CDK13: variants seen among roughly 807,000 people sequenced by gnomAD.
The protein encoded by CDK13 is cyclin-dependent kinase 13.
CDK13 carries 40 observed loss-of-function variants against 137.6 expected under a neutral mutation model. That is an observed-to-expected ratio of 0.29 (90% confidence interval 0.23 to 0.38). The LOEUF is 0.38. Among genes scored for constraint, CDK13 ranks in the 10% least tolerant of loss-of-function variants. The pLI is 1.00. For synonymous variants in CDK13, 869 were observed against 760.1 expected, an observed-to-expected ratio of 1.14 and a Z score of -2.36; for missense variants, 1,704 against 1,951.8, an observed-to-expected ratio of 0.87 and a Z score of 2.39.
rs1332133811 is a variant in CDK13, at chr7:40,098,951, C to G, written c.*3971C>G. ...TGGATAATCTTTGAAAAGGCAAGTCCTGTATGTATTTTTCATTTGTTGAAA... is the reference window on the plus strand; with the variant it reads ...TGGATAATCTTTGAAAAGGCAAGTCGTGTATGTATTTTTCATTTGTTGAAA... On this transcript the variant is annotated 3_prime_UTR_variant, in exon 14 of 14. Coordinates refer to ENST00000181839, the MANE Select transcript of CDK13 (RefSeq NM_003718.5). The G allele has an allele frequency of 6.6e-6, 1 of 151,696 alleles. No individual in the cohort carries two copies. The highest frequency in any genetic ancestry group is 1.5e-5 in the Non-Finnish European group (1 of 67,914). The allele number at this position is 151,696 out of a possible 1,614,324, so 9.4% of individuals were successfully genotyped here. A position where few individuals can be genotyped will look rare whatever the true frequency, so the allele number is the denominator to read the frequency against.
chr7:40,006,982 TGCA>T (rs374452030), intron 5 of CDK13, among the ~76,000 whole-genome samples: 1 of 152,282 alleles, frequency 6.6e-6, no homozygotes, highest in African/African-American at 2.4e-5. Flanking sequence ...GTACTAACTC[TGCA>T]TAGTAACAGT....
intron 1 of CDK13, among the ~76,000 whole-genome samples, chr7:39,987,383 C>T (rs921655044): frequency 3.9e-5 from 6 of 152,056 alleles, no homozygotes; most frequent in African/African-American, 9.7e-5. Context: ...ATTTGTAGAC[C>T]AGAGCGAGAT....
intron 1 of CDK13, among the ~76,000 whole-genome samples, chr7:39,978,341 CG>C (rs567723230): frequency 1.9e-3 from 282 of 152,254 alleles, no homozygotes; most frequent in Non-Finnish European, 2.4e-3. Context: ...CAGACAGTGA[CG>C]TTTTTTTCTT....
chr7:39,951,076 A>C lies in CDK13; in HGVS notation c.435A>C (p.Glu145Asp). 1 of 1,269,878 alleles carries C rather than the reference A, an allele frequency of 7.9e-7. No homozygotes were observed. The highest frequency in any genetic ancestry group is 1.5e-5 in the African/African-American group (1 of 64,678). The allele number at this position is 1,269,878 out of a possible 1,614,324, so 78.7% of individuals were successfully genotyped here. ...GCGGGGGTGTGACCCCGCTGGTGGA[A>C]TACGAGGATGTGAGCTCCCAGTCCG... ...SSGGGVTPLV[E>D]YEDVSSQSEQ... The change falls in exon 1 of 14, where the codon GAA becomes GAC. Residue 145 changes from glutamate (E) to aspartate (D), a missense_variant. Coordinates refer to ENST00000181839, the MANE Select transcript of CDK13 (RefSeq NM_003718.5).
At chr7:39,999,964 GAA>G (rs1275191686) in intron 4 of CDK13, among the ~76,000 whole-genome samples, 2 of 152,278 alleles carry the variant, frequency 1.3e-5, no homozygotes, top group Middle Eastern at 3.4e-3. Context: ...GGAATTCAGA[GAA>G]AGTTTTAAAA....
intron 5 of CDK13, among the ~76,000 whole-genome samples, chr7:40,040,814 C>T (rs1785589057): frequency 6.6e-6 from 1 of 151,932 alleles, no homozygotes; most frequent in South Asian, 2.1e-4. Flanking sequence ...ACTTTTTTAA[C>T]CTGTTTAACT....
At chr7:40,042,170 C>T (rs1396566642) in intron 5 of CDK13, among the ~76,000 whole-genome samples, 1 of 151,994 alleles carries the variant, frequency 6.6e-6, no homozygotes, top group African/African-American at 2.4e-5. Context: ...ACCTCCGCCT[C>T]TCGGGTTCAA....
chr7:40,021,327 T>C (rs1785120856), intron 5 of CDK13, among the ~76,000 whole-genome samples: 1 of 151,676 alleles, frequency 6.6e-6, no homozygotes, highest in Non-Finnish European at 1.5e-5. Flanking sequence ...TGAAACCCCA[T>C]CTCTACTAAA....
At chr7:40,087,334 G>C (rs1786811351) in intron 11 of CDK13, among the ~76,000 whole-genome samples, 1 of 152,018 alleles carries the variant, frequency 6.6e-6, no homozygotes, top group African/African-American at 2.4e-5. Flanking sequence ...GCAAAGACAG[G>C]GTTTTGCCAT....
Position 39,988,003 on chromosome 7 carries a change from C to G in CDK13, c.1616C>G (p.Thr539Arg). The change falls in exon 2 of 14, where the codon ACA (threonine) becomes AGA (arginine). Residue 539 changes from threonine to arginine, a missense_variant. By Grantham distance (71) the Thr-to-Arg change is moderately conservative. Transcript: ENST00000181839. Reference sequence around the variant, plus strand: ...ACTTTAAAAAATGACAAAGCAAAAACAAAGCCACCTCTTCAGGTAACGAAG... The same window carrying G: ...ACTTTAAAAAATGACAAAGCAAAAAGAAAGCCACCTCTTCAGGTAACGAAG... Reference protein sequence around the residue: ...GGTLKNDKAKTKPPLQVTKVE... With the variant: ...GGTLKNDKAKRKPPLQVTKVE... 1.2e-6 allele frequency: 2 copies of G among 1,614,030 alleles called. No individual in the cohort carries two copies. The highest frequency in any genetic ancestry group is 1.7e-6 in the Non-Finnish European group (2 of 1,179,958).
chr7:40,020,303 A>T (rs1010589270), intron 5 of CDK13, among the ~76,000 whole-genome samples: 1 of 152,060 alleles, frequency 6.6e-6, no homozygotes, highest in Non-Finnish European at 1.5e-5. Flanking sequence ...CCTAGGCTCA[A>T]ACAATCCTCC....
chr7:39,953,896 T>A (rs1787321195), intron 1 of CDK13, among the ~76,000 whole-genome samples: 2 of 152,196 alleles, frequency 1.3e-5, no homozygotes, highest in South Asian at 4.1e-4. Context: ...TTTAGCAAGA[T>A]CCTTGAAGAC....
intron 7 of CDK13, among the ~76,000 whole-genome samples, chr7:40,050,159 C>T (rs1409885194): frequency 1.3e-5 from 2 of 151,972 alleles, no homozygotes; most frequent in African/African-American, 4.8e-5. Context: ...TTAGTGGACG[C>T]TTAACGTTGA....
At chr7:39,954,881 CA>C (rs1787360029) in intron 1 of CDK13, among the ~76,000 whole-genome samples, 1 of 152,216 alleles carries the variant, frequency 6.6e-6, no homozygotes, top group Non-Finnish European at 1.5e-5. Flanking sequence ...ATCAGCCTCC[CA>C]AAGTCCAGGG....
rs1227295822 is a variant in CDK13, at chr7:39,951,340, C to A, written c.699C>A (p.Ser233Arg). ...RGGSEASKSR[S>R]RHSHSGEERA... is the part of the protein sequence containing the mutation. The stretch of plus-strand genomic sequence containing the variant: ...GCAGCGAGGCCTCCAAGTCCCGCAG[C>A]CGCCACAGCCACAGCGGCGAGGAAC... Residue 233 changes from serine (S) to arginine (R), a missense_variant, in exon 1 of 14, where the codon AGC becomes AGA. Transcript: ENST00000181839. 6.9e-7 allele frequency: 1 copy of A among 1,453,928 alleles called. No individual in the cohort carries two copies. Among genetic ancestry groups the A allele is most frequent in the South Asian group, 1.4e-5 (1 of 73,696 alleles). 90.1% of individuals were successfully genotyped at this position (1,453,928 alleles called of 1,614,324 possible).
intron 5 of CDK13, among the ~76,000 whole-genome samples, chr7:40,021,269 G>A (rs1785119509): frequency 6.6e-6 from 1 of 152,088 alleles, no homozygotes; most frequent in South Asian, 2.1e-4. Flanking sequence ...GGCTGAGGCG[G>A]GTGGATCACT....
chr7:40,051,115 T>C (rs921836278), intron 7 of CDK13, among the ~76,000 whole-genome samples: 10 of 152,154 alleles, frequency 6.6e-5, no homozygotes, highest in Non-Finnish European at 1.0e-4. Context: ...AACCAGAGTT[T>C]TAAAGTCCCA....
Position 40,024,526 on chromosome 7 carries a change from A to G in CDK13, c.2354-21310A>G, listed in dbSNP as rs185733310. 8.6e-5 allele frequency among the ~76,000 whole-genome samples: 13 copies of G among 150,622 alleles called. No homozygotes were observed. The East Asian group carries it at 2.0e-3, about 23-fold the overall frequency. On this transcript the variant is annotated intron_variant, in intron 5 of 13. Transcript: ENST00000181839. ...ATGTTGACTTGCTCTTAAAAATTCT[A>G]CCTTTTCTGAAAGAGTTCTATTCAG...
chr7:40,028,285 C>A (rs1785288570), intron 5 of CDK13, among the ~76,000 whole-genome samples: 1 of 144,860 alleles, frequency 6.9e-6, no homozygotes, highest in African/African-American at 2.7e-5. Flanking sequence ...GTGGCCTGAT[C>A]TAGGCTCACT....
Sources: allele counts gnomAD v4.1 joint callset (sites outside exome capture counted in the v4.1 genomes callset), GRCh38; gene constraint gnomAD v4.1.1; transcripts MANE v1.5; gene names NCBI Gene and HGNC (gene_info 2026-07-23, HGNC 2026-07-21).